The following MAD1L1 variants were observed in gnomAD, a reference collection of about 807,000 sequenced individuals.
MAD1L1 encodes the protein mitotic spindle assembly checkpoint protein MAD1.
A neutral mutation model predicts 96.9 loss-of-function variants in MAD1L1; 95 were observed. That is an observed-to-expected ratio of 0.98 (90% CI 0.83 to 1.16). The LOEUF (loss-of-function observed/expected upper bound fraction) is 1.16, where lower values mean the gene tolerates loss of function less well. Ranked by LOEUF, MAD1L1 falls within the 50% of genes most tolerant of loss-of-function variation. The pLI is 0.00. For missense variants in MAD1L1, 1,007 were observed against 954.4 expected (o/e 1.06, Z -0.73); for synonymous variants, 473 against 396.6 (o/e 1.19, Z -2.29).
At chr7:1,970,641 T>C (rs1386688770) in intron 15 of MAD1L1, among the ~76,000 whole-genome samples, 1 of 152,174 alleles carries the variant, frequency 6.6e-6, no homozygotes, top group African/African-American at 2.4e-5. Flanking sequence ...GCCTATTATA[T>C]AATTTTAAAA....
chr7:2,151,615 CCCCAAGGTACGAA>C (rs1789575152), intron 10 of MAD1L1, among the ~76,000 whole-genome samples: 1 of 152,254 alleles, frequency 6.6e-6, no homozygotes, highest in African/African-American at 2.4e-5. Context: ...AAGCTTCTTG[CCCCAAGGTACGAA>C]CCCACCCAGC....
intron 11 of MAD1L1, among the ~76,000 whole-genome samples, chr7:2,124,620 T>C (rs1280228677): frequency 6.6e-6 from 1 of 152,088 alleles, no homozygotes; most frequent in African/African-American, 2.4e-5. Context: ...AAGCCCCCGC[T>C]CTGAGCTCGG....
intron 18 of MAD1L1, among the ~76,000 whole-genome samples, chr7:1,829,006 C>T (rs151179494): frequency 0.013 from 1,950 of 152,238 alleles, 38 homozygotes; most frequent in African/African-American, 0.044. Context: ...CCACGGAAAC[C>T]GTCCGAGATG....
chr7:2,092,651 A>G (rs1464973424), intron 11 of MAD1L1, among the ~76,000 whole-genome samples: 2 of 152,132 alleles, frequency 1.3e-5, no homozygotes, highest in Non-Finnish European at 2.9e-5. Context: ...CTGTTTTCCT[A>G]TTATTGAGTT....
At chr7:2,068,695 T>G (rs1195463596) in intron 12 of MAD1L1, among the ~76,000 whole-genome samples, 2 of 152,178 alleles carry the variant, frequency 1.3e-5, no homozygotes, top group East Asian at 3.9e-4. Flanking sequence ...TCCAGCGACC[T>G]CTGCTCACGG....
At chr7:2,232,821 G>C (rs1329653966) in intron 1 of MAD1L1, 51 bp downstream of exon 1, 3 of 152,210 alleles carry the variant, frequency 2.0e-5, no homozygotes, top group Admixed American at 2.0e-4. Flanking sequence ...GCCATTCCCG[G>C]GACCCCCGGG....
chr7:2,009,118 C>T (rs140847534), intron 13 of MAD1L1, among the ~76,000 whole-genome samples: 2 of 152,320 alleles, frequency 1.3e-5, no homozygotes, highest in African/African-American at 4.8e-5. Context: ...GGTGGGACCA[C>T]GTGTCCCGGG....
intron 12 of MAD1L1, among the ~76,000 whole-genome samples, chr7:2,032,979 G>A (rs1584137120): frequency 2.0e-5 from 3 of 152,246 alleles, no homozygotes; most frequent in Non-Finnish European, 2.9e-5. Flanking sequence ...CTGAGAAGAT[G>A]CCCCCAGCCC....
intron 11 of MAD1L1, among the ~76,000 whole-genome samples, chr7:2,089,589 C>G (rs1786101864): frequency 6.6e-6 from 1 of 151,584 alleles, no homozygotes; most frequent in Admixed American, 6.6e-5. Context: ...AACACCTGTC[C>G]CTGGGGCCCA....
intron 11 of MAD1L1, among the ~76,000 whole-genome samples, chr7:2,116,445 G>A (rs1161208573): frequency 2.0e-5 from 3 of 151,900 alleles, no homozygotes; most frequent in African/African-American, 7.3e-5. Context: ...GGACTGGGGA[G>A]CCCCCAGAGA....
At chr7:2,213,180 G>T in intron 10 of MAD1L1, 32 bp downstream of exon 10, 1 of 1,612,520 alleles carries the variant, frequency 6.2e-7, no homozygotes, top group Non-Finnish European at 8.5e-7. Flanking sequence ...TTCAAAGAAG[G>T]CGGGACCCCG....
intron 18 of MAD1L1, among the ~76,000 whole-genome samples, chr7:1,828,403 A>G (rs7799782): frequency 0.62 from 93,563 of 151,852 alleles, 28,952 homozygotes; most frequent in Middle Eastern, 0.71. Flanking sequence ...TGGAGTGCTC[A>G]GTGAGAGGCT....
At chr7:2,136,892 C>G (rs1788779730) in intron 11 of MAD1L1, among the ~76,000 whole-genome samples, 1 of 152,192 alleles carries the variant, frequency 6.6e-6, no homozygotes, top group African/African-American at 2.4e-5. Context: ...GCTCTTGGCT[C>G]AGAGCTTACA....
rs187717727 is a variant in MAD1L1 at position 1,976,533 on chromosome 7, G to A, written c.1505+3920C>T. Among the ~76,000 whole-genome samples the A allele has an allele frequency of 1.3e-4, 20 of 152,312 alleles. No homozygotes were observed. In the East Asian group the frequency reaches 1.3e-3, roughly 10 times the overall value. On this transcript the variant is annotated intron_variant, in intron 15 of 18. Coordinates refer to ENST00000265854, the MANE Select transcript of MAD1L1 (RefSeq NM_001013836.2). ...AGTGCTACATCTCATAAAGCAGTGC[G>A]GACCCAAAGAGTGAGCAGCAGCAAG... is the stretch of plus-strand genomic sequence containing the variant.
At chr7:2,224,548 G>A (rs189305883) in intron 4 of MAD1L1, among the ~76,000 whole-genome samples, 58 of 152,270 alleles carry the variant, frequency 3.8e-4, no homozygotes, top group Admixed American at 2.7e-3. Context: ...ATCACACCCC[G>A]GAAGACGTGA....
chr7:1,868,050 T>C (rs1784863162), intron 18 of MAD1L1, among the ~76,000 whole-genome samples: 1 of 152,016 alleles, frequency 6.6e-6, no homozygotes, highest in Non-Finnish European at 1.5e-5. Flanking sequence ...CCAGCAGTAA[T>C]TCCCCTACTG....
At chr7:1,936,469 C>T (rs1372104738) in intron 17 of MAD1L1, among the ~76,000 whole-genome samples, 4 of 152,238 alleles carry the variant, frequency 2.6e-5, no homozygotes, top group Non-Finnish European at 4.4e-5. Flanking sequence ...TGCCTGCAGA[C>T]TCGGATGGCT....
intron 18 of MAD1L1, among the ~76,000 whole-genome samples, chr7:1,862,385 C>G (rs1784575381): frequency 6.6e-6 from 1 of 152,256 alleles, no homozygotes; most frequent in African/African-American, 2.4e-5. Flanking sequence ...CAGAGGCCTT[C>G]CCTCCTCATG....
intron 10 of MAD1L1, among the ~76,000 whole-genome samples, chr7:2,186,982 G>A (rs959055815): frequency 2.0e-5 from 3 of 151,784 alleles, no homozygotes; most frequent in Admixed American, 6.6e-5. Context: ...TAGTAGAGAC[G>A]AGGTTTCGCC....
Sources: gnomAD v4.1 joint callset for allele counts (sites outside exome capture counted in the v4.1 genomes callset) on GRCh38, gnomAD v4.1.1 for gene constraint, MANE v1.5 for transcripts, NCBI Gene and HGNC (gene_info 2026-07-23, HGNC 2026-07-21) for gene names.